The following CD96 variants were observed in gnomAD, a reference collection of about 807,000 sequenced individuals.
CD96 encodes CD96 molecule.
CD96 carries 70 observed loss-of-function variants against 71.3 expected under a neutral mutation model. That is an observed-to-expected ratio of 0.98 (90% CI 0.81 to 1.20). The LOEUF (loss-of-function observed/expected upper bound fraction) is 1.20, where lower values mean the gene tolerates loss of function less well. CD96 is among the 50% of genes most tolerant of loss of function. The pLI, the probability that CD96 is intolerant of heterozygous loss-of-function variation, is 0.00. For synonymous variants in CD96, 248 were observed against 233.0 expected (o/e 1.06, Z -0.59); for missense variants, 742 against 677.5 (o/e 1.10, Z -1.06).
chr3:111,617,597 G>A lies in CD96; in HGVS notation c.1181-6157G>A, dbSNP rs185000858. Reference sequence around the variant, plus strand: ...CAGGTCTCCTCTCCACTGAGAGCTGGACACTCATTGGGACAGCCTGCATAT... The same window carrying A: ...CAGGTCTCCTCTCCACTGAGAGCTGAACACTCATTGGGACAGCCTGCATAT... On this transcript the variant is annotated intron_variant, in intron 8 of 13. Transcript: ENST00000352690. Among the ~76,000 whole-genome samples the A allele has an allele frequency of 1.5e-3, 222 of 152,246 alleles. 1 individual carries two copies. Among genetic ancestry groups the A allele is most frequent in the African/African-American group, 5.1e-3 (211 of 41,550 alleles).
chr3:111,571,067 GAGGT>G, intron 3 of CD96: 1 of 984,314 alleles, frequency 1.0e-6, no homozygotes, highest in Middle Eastern at 2.1e-4. Flanking sequence ...TGTGGGGTAG[GAGGT>G]AGGTCAAGTG....
At position 111,585,245 on chromosome 3, in the gene CD96, CACACACACACAT is replaced by C. The variant is rs1936652378; in HGVS notation, c.752-69_752-58del. The C allele has an allele frequency of 1.0e-5, 7 of 668,554 alleles. No individual in the cohort carries two copies. In the South Asian group the frequency reaches 1.2e-4, roughly 11 times the overall value. 41.4% of individuals were successfully genotyped at this position (668,554 alleles called of 1,614,324 possible). A position where few individuals can be genotyped will look rare whatever the true frequency, so the allele number is the denominator to read the frequency against. On this transcript the variant is annotated intron_variant, in intron 4 of 13. Coordinates refer to ENST00000352690, the MANE Select transcript of CD96 (RefSeq NM_005816.5). ...TTTAATGAATGAAGATGCTTATAGACACACACACACATACACACACTAGTGGCCAGGTAGGAT... is the reference window on the plus strand; with the variant it reads ...TTTAATGAATGAAGATGCTTATAGACACACACACTAGTGGCCAGGTAGGAT...
intron 2 of CD96, among the ~76,000 whole-genome samples, chr3:111,554,703 C>A (rs1268634306): frequency 6.6e-6 from 1 of 151,986 alleles, no homozygotes; most frequent in African/African-American, 2.4e-5. Flanking sequence ...TGGAAGACAA[C>A]TTTTCCATAG....
At chr3:111,647,712 A>G (rs368463323) in intron 13 of CD96, 46 bp downstream of exon 13, 15 of 1,402,214 alleles carry the variant, frequency 1.1e-5, no homozygotes, top group Non-Finnish European at 1.4e-5. Context: ...ATTTTTCATT[A>G]TAAAATATTC....
At chr3:111,570,563 G>C (rs1935931171) in intron 3 of CD96, 1 of 1,381,506 alleles carries the variant, frequency 7.2e-7, no homozygotes. Context: ...CAGACATCAG[G>C]GGGCACTAGA....
At chr3:111,556,824 G>A (rs1935079528) in intron 2 of CD96, among the ~76,000 whole-genome samples, 1 of 151,750 alleles carries the variant, frequency 6.6e-6, no homozygotes, top group Non-Finnish European at 1.5e-5. Context: ...CCCACCAACA[G>A]TGTAAAAGTG....
chr3:111,603,174 G>T (rs1435243801), intron 7 of CD96, among the ~76,000 whole-genome samples: 6 of 152,168 alleles, frequency 3.9e-5, no homozygotes, highest in Admixed American at 3.3e-4. Context: ...AGGCACAGTG[G>T]CTCATGCCTG....
At chr3:111,546,903 C>G (rs1296812505) in intron 2 of CD96, among the ~76,000 whole-genome samples, 1 of 144,922 alleles carries the variant, frequency 6.9e-6, no homozygotes, top group Non-Finnish European at 1.5e-5. Flanking sequence ...ACCACACACA[C>G]ACACACACAG....
At chr3:111,647,449 G>T in intron 12 of CD96, 94 bp from the exon 13 acceptor site, 1 of 1,151,698 alleles carries the variant, frequency 8.7e-7, no homozygotes, top group Admixed American at 1.7e-5. Flanking sequence ...CAATGTTGAA[G>T]AAAATATGTT....
At chr3:111,614,910 A>C (rs1388321026) in intron 8 of CD96, among the ~76,000 whole-genome samples, 2 of 152,190 alleles carry the variant, frequency 1.3e-5, no homozygotes, top group Non-Finnish European at 2.9e-5. Flanking sequence ...CTTCTCCATG[A>C]GGGAGGGCCT....
chr3:111,584,462 A>G (rs971575434), intron 4 of CD96, among the ~76,000 whole-genome samples: 1 of 152,200 alleles, frequency 6.6e-6, no homozygotes, highest in Non-Finnish European at 1.5e-5. Flanking sequence ...CTGTACTGGT[A>G]CTAATTTATT....
At chr3:111,544,605 C>T (rs778588184) in intron 1 of CD96, among the ~76,000 whole-genome samples, 1 of 152,174 alleles carries the variant, frequency 6.6e-6, no homozygotes, top group Non-Finnish European at 1.5e-5. Flanking sequence ...TTGCTATACA[C>T]ATATCATTTA....
At chr3:111,544,926 G>C (rs961944057) in intron 1 of CD96, 120 bp from the exon 2 acceptor site, 3 of 813,892 alleles carry the variant, frequency 3.7e-6, no homozygotes, top group Admixed American at 3.4e-5. Flanking sequence ...TATTCCTAAA[G>C]CAGCCAGGGA....
chr3:111,642,512 C>T (rs904154225), intron 12 of CD96, among the ~76,000 whole-genome samples: 6 of 152,066 alleles, frequency 3.9e-5, no homozygotes, highest in African/African-American at 1.4e-4. Flanking sequence ...TAAAAATTAC[C>T]AACAAGGGCT....
intron 2 of CD96, among the ~76,000 whole-genome samples, chr3:111,551,959 T>C (rs980513202): frequency 6.6e-6 from 1 of 152,178 alleles, no homozygotes; most frequent in Non-Finnish European, 1.5e-5. Flanking sequence ...CACCAGCATC[T>C]GTTCTTTCTT....
Position 111,544,914 on chromosome 3 carries a change from T to C in CD96, c.62-132T>C, listed in dbSNP as rs1355535609. 8 of 773,574 alleles carry C rather than the reference T, an allele frequency of 1.0e-5. No individual in the cohort carries two copies. In the African/African-American group the frequency reaches 1.2e-4, roughly 11 times the overall value. 47.9% of individuals were successfully genotyped at this position (773,574 alleles called of 1,614,324 possible). The stretch of plus-strand genomic sequence containing the variant: ...TATCTGAGTGAGACACAAGCTCTAC[T>C]CTATTCCTAAAGCAGCCAGGGAGAA... On this transcript the variant is annotated intron_variant, in intron 1 of 13. Coordinates refer to ENST00000352690, the MANE Select transcript of CD96 (RefSeq NM_005816.5).
chr3:111,551,731 G>A (rs748208595), intron 2 of CD96, among the ~76,000 whole-genome samples: 125 of 151,960 alleles, frequency 8.2e-4, no homozygotes, highest in Non-Finnish European at 1.4e-3. Flanking sequence ...CACACCCTCC[G>A]ACAGGCCCCA....
chr3:111,613,926 G>A lies in CD96; in HGVS notation c.1180+7134G>A, dbSNP rs538058307. Among the ~76,000 whole-genome samples, 8 of 152,292 alleles carry A rather than the reference G, an allele frequency of 5.3e-5. No homozygotes were observed. In the South Asian group the frequency reaches 1.7e-3, roughly 32 times the overall value. ...GTTGATTAAATAAGCTAAACCGGTAGGTTAGCAAAGAATAATTTTTACTTT... is the reference window on the plus strand; with the variant it reads ...GTTGATTAAATAAGCTAAACCGGTAAGTTAGCAAAGAATAATTTTTACTTT... On this transcript the variant is annotated intron_variant, in intron 8 of 13. Coordinates refer to ENST00000352690, the MANE Select transcript of CD96 (RefSeq NM_005816.5).
intron 10 of CD96, among the ~76,000 whole-genome samples, chr3:111,636,990 C>G (rs1396782292): frequency 6.6e-6 from 1 of 152,118 alleles, no homozygotes; most frequent in African/African-American, 2.4e-5. Context: ...TTAAAACCTT[C>G]CCCATTATAG....
Sources: allele counts gnomAD v4.1 joint callset (sites outside exome capture counted in the v4.1 genomes callset), GRCh38; gene constraint gnomAD v4.1.1; transcripts MANE v1.5; gene names NCBI Gene and HGNC (gene_info 2026-07-23, HGNC 2026-07-21).